The following CELSR1 variants were observed in gnomAD, a reference collection of about 807,000 sequenced individuals.
The protein encoded by CELSR1 is cadherin EGF LAG seven-pass G-type receptor 1.
A neutral mutation model predicts 249.1 loss-of-function variants in CELSR1; 110 were observed. That is an observed-to-expected ratio of 0.44 (90% CI 0.38 to 0.52). The LOEUF (loss-of-function observed/expected upper bound fraction) is 0.52, where lower values mean the gene tolerates loss of function less well. Among genes scored for constraint, CELSR1 ranks in the 20% least tolerant of loss-of-function variants. The probability of loss-of-function intolerance (pLI) is 0.00; values close to 1 mark genes in which losing one functional copy is unlikely to be tolerated. For synonymous variants in CELSR1, 2,113 were observed against 1,900.0 expected, an observed-to-expected ratio of 1.11 and a Z score of -2.92; for missense variants, 4,109 against 4,296.4, an observed-to-expected ratio of 0.96 and a Z score of 1.22.
chr22:46,386,458 G>T lies in CELSR1; in HGVS notation c.6683C>A (p.Ala2228Glu), dbSNP rs760232506. The change falls in exon 19 of 35, where the codon GCA becomes GAA. Residue 2228 changes from alanine to glutamate, a missense_variant. Transcript: ENST00000674500. ...RRLEGYFSNVARNVRRTYLRP... is the reference protein window; with the variant it reads ...RRLEGYFSNVERNVRRTYLRP... Reference sequence around the variant, plus strand: ...CAGGTACGTCCGCCGCACGTTGCGTGCCACGTTGCTGAAGTAGCCCTCGAG... The same window carrying T: ...CAGGTACGTCCGCCGCACGTTGCGTTCCACGTTGCTGAAGTAGCCCTCGAG... 2 of 1,603,750 alleles carry T rather than the reference G, an allele frequency of 1.2e-6. No individual in the cohort carries two copies. The highest frequency in any genetic ancestry group is 1.7e-6 in the Non-Finnish European group (2 of 1,175,890).
chr22:46,411,560 G>T lies in CELSR1; in HGVS notation c.4769+42C>A. On this transcript the variant is annotated intron_variant, in intron 6 of 34. Coordinates refer to ENST00000674500, the MANE Select transcript of CELSR1 (RefSeq NM_001378328.1). This position sits in a 1 kb window ranked among gnomAD's most constrained non-coding sequence, Gnocchi z 4.2. ...GGAAGGCCGCAGGGTGAGCATGTTTGGGGGTACGGACCCCCAGGGCCTCCC... is the reference window on the plus strand; with the variant it reads ...GGAAGGCCGCAGGGTGAGCATGTTTTGGGGTACGGACCCCCAGGGCCTCCC... 1.9e-6 allele frequency: 3 copies of T among 1,610,506 alleles called. No homozygotes were observed. The highest frequency in any genetic ancestry group is 1.1e-5 in the South Asian group (1 of 90,856).
intron 1 of CELSR1, among the ~76,000 whole-genome samples, chr22:46,522,414 C>T (rs374444897): frequency 7.9e-5 from 12 of 152,244 alleles, no homozygotes; most frequent in African/African-American, 2.4e-4. Context: ...CCTGCGGTTT[C>T]GACTTGAATT....
chr22:46,416,673 G>C (rs936599739), intron 5 of CELSR1, among the ~76,000 whole-genome samples: 10 of 152,206 alleles, frequency 6.6e-5, no homozygotes, highest in African/African-American at 2.4e-4. Flanking sequence ...GCACTGCAAG[G>C]AGTGGCCCAG....
Position 46,526,736 on chromosome 22 carries a change from T to C in CELSR1, c.3544+6891A>G, listed in dbSNP as rs1420597151. Among the ~76,000 whole-genome samples the C allele has an allele frequency of 1.3e-5, 2 of 152,268 alleles. No homozygotes were observed. The highest frequency in any genetic ancestry group is 1.3e-4 in the Admixed American group (2 of 15,286). On this transcript the variant is annotated intron_variant, in intron 1 of 34. Transcript: ENST00000674500. This position sits in a 1 kb window ranked among gnomAD's most constrained non-coding sequence, Gnocchi z 4.7. ...GACTGTTCCCCACCCAGGAGGCTAT[T>C]CGGGCCATGGCTCCTCAAGGCTGGG... is the stretch of plus-strand genomic sequence containing the variant.
In CELSR1 at chr22:46,534,741, G is replaced by C; in HGVS notation, c.2430C>G (p.Thr810=). ...CTGTGTCCTCATCGTTGGCACTGAGGGTAGCAATGGAGGTGCCCACAGGCC... is the reference window on the plus strand; with the variant it reads ...CTGTGTCCTCATCGTTGGCACTGAGCGTAGCAATGGAGGTGCCCACAGGCC... ...EDRPVGTSIA[T]LSANDEDTGE... is the part of the protein sequence containing the mutation. Residue 810 remains threonine (T), a synonymous_variant, in exon 1 of 35, where the codon ACC becomes ACG. Transcript: ENST00000674500. The surrounding 1 kb of genome is among the most constrained non-coding windows in gnomAD (Gnocchi z 9.7). The C allele has an allele frequency of 6.2e-7, 1 of 1,613,138 alleles. No homozygotes were observed. Among genetic ancestry groups the C allele is most frequent in the Non-Finnish European group, 8.5e-7 (1 of 1,180,032 alleles).
rs139456743 is a variant in CELSR1 at position 46,400,098 on chromosome 22, G to A, written c.5227-196C>T. ...TAATCTCAGCATTTTGGGAGGCTGA[G>A]GTGGGTGGATCACCTGAAGTCAAAA... On this transcript the variant is annotated intron_variant, in intron 9 of 34. Coordinates refer to ENST00000674500, the MANE Select transcript of CELSR1 (RefSeq NM_001378328.1). 4.0e-3 allele frequency among the ~76,000 whole-genome samples: 616 copies of A among 152,158 alleles called. 7 individuals carry two copies. The highest frequency in any genetic ancestry group is 0.014 in the African/African-American group (589 of 41,502).
chr22:46,493,742 C>T (rs894117093), intron 1 of CELSR1, among the ~76,000 whole-genome samples: 9 of 151,996 alleles, frequency 5.9e-5, no homozygotes, highest in East Asian at 1.9e-4. Flanking sequence ...TGAGATCTGA[C>T]GTTTTTATAG....
chr22:46,363,058 G>A lies in CELSR1; in HGVS notation c.*165C>T, dbSNP rs1335207279. ...GACCTTTGTGTCTGGATGATCAGTCGGGGGGCTGCCACCATGGGGACCGCC... is the reference window on the plus strand; with the variant it reads ...GACCTTTGTGTCTGGATGATCAGTCAGGGGGCTGCCACCATGGGGACCGCC... On this transcript the variant is annotated 3_prime_UTR_variant, in exon 35 of 35. Transcript: ENST00000674500. The surrounding 1 kb of genome is among the most constrained non-coding windows in gnomAD (Gnocchi z 4.3). 18 of 1,430,430 alleles carry A rather than the reference G, an allele frequency of 1.3e-5. No homozygotes were observed. The highest frequency in any genetic ancestry group is 6.8e-5 in the East Asian group (3 of 43,856). The allele number at this position is 1,430,430 out of a possible 1,614,324, so 88.6% of individuals were successfully genotyped here.
Position 46,463,706 on chromosome 22 carries a change from C to G in CELSR1, c.4183+1G>C. ...AAGCCAGGGTGAGCCCGGGCACCTA[C>G]CAGTGAAGTCCTCGAAGCACTCGCA... On this transcript the variant is annotated splice_donor_variant, in intron 2 of 34. Transcript: ENST00000674500. LOFTEE classifies it high-confidence loss of function. 6.6e-7 allele frequency: 1 copy of G among 1,517,208 alleles called. No individual in the cohort carries two copies. Among genetic ancestry groups the G allele is most frequent in the Non-Finnish European group, 8.8e-7 (1 of 1,134,608 alleles). 94.0% of individuals were successfully genotyped at this position (1,517,208 alleles called of 1,614,324 possible).
At chr22:46,460,202 CA>C (rs1569179842) in intron 2 of CELSR1, among the ~76,000 whole-genome samples, 31 of 126,874 alleles carry the variant, frequency 2.4e-4, no homozygotes, top group African/African-American at 7.0e-4. Flanking sequence ...CACACACACA[CA>C]CACACACACA....
rs372134553 is a variant in CELSR1 at position 46,409,146 on chromosome 22, C to T, written c.5076G>A (p.Gln1692=). 3 of 1,613,136 alleles carry T rather than the reference C, an allele frequency of 1.9e-6. No homozygotes were observed. The highest frequency in any genetic ancestry group is 2.5e-6 in the Non-Finnish European group (3 of 1,179,700). Residue 1692 remains glutamine (Q), a synonymous_variant, in exon 9 of 35, where the codon CAG becomes CAA. Coordinates refer to ENST00000674500, the MANE Select transcript of CELSR1 (RefSeq NM_001378328.1). This position sits in a 1 kb window ranked among gnomAD's most constrained non-coding sequence, Gnocchi z 9.8. The part of the protein sequence containing the change: ...KNCEQAMPHP[Q]LFSGESVVSW... ...ACACGACGCTCTCACCGCTGAAGAG[C>T]TGGGGGTGAGGCATGGCTGCGGACA...
chr22:46,409,848 T>C lies in CELSR1; in HGVS notation c.4966A>G (p.Arg1656Gly). The C allele has an allele frequency of 6.2e-7, 1 of 1,613,540 alleles. No individual in the cohort carries two copies. The highest frequency in any genetic ancestry group is 8.5e-7 in the Non-Finnish European group (1 of 1,179,926). Residue 1656 changes from arginine to glycine, a missense_variant, in exon 8 of 35, where the codon AGG (arginine) becomes GGG (glycine). Arg to Gly is a moderately radical substitution (Grantham distance 125). Around this residue, in one of 7 missense-constraint regions of CELSR1, gnomAD observed 453 missense variants for 492.0 expected, o/e 0.92. Coordinates refer to ENST00000674500, the MANE Select transcript of CELSR1 (RefSeq NM_001378328.1). This position sits in a 1 kb window ranked among gnomAD's most constrained non-coding sequence, Gnocchi z 9.8. ...CAARRNFCDG[R>G]RCQNGGTCVN... ...CAGGTGCCTCCATTCTGACACCGCC[T>C]CCCATCGCAGAAGTTCCTCCGAGCA...
At chr22:46,511,117 AACACACACAC>A (rs10694625) in intron 1 of CELSR1, among the ~76,000 whole-genome samples, 5 of 149,754 alleles carry the variant, frequency 3.3e-5, no homozygotes, top group Admixed American at 2.0e-4. Context: ...TCGTCTCAAA[AACACACACAC>A]ACACACACAC....
intron 2 of CELSR1, among the ~76,000 whole-genome samples, chr22:46,456,249 G>A (rs2079947776): frequency 6.6e-6 from 1 of 152,270 alleles, no homozygotes; most frequent in Admixed American, 6.5e-5. Flanking sequence ...TCCGCAGGGT[G>A]ATGGCACAGC....
At chr22:46,366,884 C>T (rs927503788) in intron 29 of CELSR1, 109 bp downstream of exon 29, 28 of 1,423,558 alleles carry the variant, frequency 2.0e-5, no homozygotes, top group Non-Finnish European at 2.3e-5. Context: ...CCATCCCCAC[C>T]GTGAGGGGCA....
intron 1 of CELSR1, among the ~76,000 whole-genome samples, chr22:46,470,872 C>T (rs762018800): frequency 2.0e-5 from 3 of 152,168 alleles, no homozygotes; most frequent in Non-Finnish European, 4.4e-5. Flanking sequence ...CACCTGTAAT[C>T]CCAGCACTTT....
At position 46,447,765 on chromosome 22, in the gene CELSR1, G is replaced by A. The variant is rs1014728796; in HGVS notation, c.4184-8354C>T. Among the ~76,000 whole-genome samples, 10 of 152,176 alleles carry A rather than the reference G, an allele frequency of 6.6e-5. No individual in the cohort carries two copies. The highest frequency in any genetic ancestry group is 1.3e-4 in the Admixed American group (2 of 15,284). ...CTCCCGAGTTGCTGGGATTACAGGT[G>A]CACACCACCACACCTGGCTAATTTT... On this transcript the variant is annotated intron_variant, in intron 2 of 34. Coordinates refer to ENST00000674500, the MANE Select transcript of CELSR1 (RefSeq NM_001378328.1). The surrounding 1 kb of genome is among the most constrained non-coding windows in gnomAD (Gnocchi z 4.7).
At chr22:46,438,615 G>A (rs568999011) in intron 3 of CELSR1, among the ~76,000 whole-genome samples, 36 of 152,338 alleles carry the variant, frequency 2.4e-4, no homozygotes, top group African/African-American at 5.8e-4. Flanking sequence ...AAGCAGCAGC[G>A]TAACATTCCC....
chr22:46,466,957 T>C (rs2080103231), intron 1 of CELSR1, among the ~76,000 whole-genome samples: 1 of 152,156 alleles, frequency 6.6e-6, no homozygotes, highest in Non-Finnish European at 1.5e-5. Context: ...AGGCACTGTC[T>C]ACCAGCCAGG....
Sources: gnomAD v4.1 joint callset for allele counts (sites outside exome capture counted in the v4.1 genomes callset) on GRCh38, gnomAD v4.1.1 for gene constraint, gnomAD v4.1.1 regional missense constraint, Gnocchi (gnomAD v3.1) non-coding constraint, MANE v1.5 for transcripts, NCBI Gene and HGNC (gene_info 2026-07-23, HGNC 2026-07-21) for gene names.